SLC6A11: variants seen among roughly 807,000 people sequenced by gnomAD.
SLC6A11 encodes the protein solute carrier family 6 member 11.
A neutral mutation model predicts 74.8 loss-of-function variants in SLC6A11; 25 were observed. The ratio of observed to expected loss-of-function variants is 0.33; its 90% CI spans 0.24 to 0.47. The LOEUF is 0.47. SLC6A11 is among the 20% of genes least tolerant of loss of function. SLC6A11 has a pLI of 1.00. For synonymous variants in SLC6A11, 330 were observed against 330.2 expected, an observed-to-expected ratio of 1.00 and a Z score of 0.01; for missense variants, 574 against 837.0, an observed-to-expected ratio of 0.69 and a Z score of 3.88.
At position 10,888,833 on chromosome 3, in the gene SLC6A11, C is replaced by CATA. The variant is rs1279525880; in HGVS notation, c.891+13738_891+13739insATA. Among the ~76,000 whole-genome samples, 5 of 152,304 alleles carry CATA rather than the reference C, an allele frequency of 3.3e-5. No homozygotes were observed. In the East Asian group the frequency reaches 9.7e-4, roughly 29 times the overall value. Reference sequence around the variant, plus strand: ...TGCCCACCTTATGTTTATTCATCCACCAAATATTTGTTGAGTACCTACTGT... The same window carrying CATA: ...TGCCCACCTTATGTTTATTCATCCACATACAAATATTTGTTGAGTACCTACTGT... On this transcript the variant is annotated intron_variant, in intron 6 of 13. Coordinates refer to ENST00000254488, the MANE Select transcript of SLC6A11 (RefSeq NM_014229.3).
intron 13 of SLC6A11, among the ~76,000 whole-genome samples, chr3:10,937,967 G>A (rs1258957359): frequency 6.6e-6 from 1 of 152,186 alleles, no homozygotes; most frequent in Non-Finnish European, 1.5e-5. Flanking sequence ...ACCTTTCCTA[G>A]CCAGGTGCGA....
intron 4 of SLC6A11, among the ~76,000 whole-genome samples, chr3:10,825,841 G>A (rs1384042834): frequency 6.6e-6 from 1 of 152,046 alleles, no homozygotes; most frequent in African/African-American, 2.4e-5. Context: ...TTTCCTTTAA[G>A]CACAAGTCTG....
At chr3:10,817,237 A>C (rs2106568064) in intron 1 of SLC6A11, among the ~76,000 whole-genome samples, 1 of 152,302 alleles carries the variant, frequency 6.6e-6, no homozygotes, top group Admixed American at 6.5e-5. Flanking sequence ...GACAACGAAC[A>C]GTTTATTTTA....
chr3:10,927,922 C>A (rs9840941), intron 9 of SLC6A11, among the ~76,000 whole-genome samples: 28,006 of 152,152 alleles, frequency 0.18, 2,836 homozygotes, highest in African/African-American at 0.26. Context: ...AACTCCTCCT[C>A]CCTCCCTCAA....
At chr3:10,883,851 C>A (rs1032162152) in intron 6 of SLC6A11, among the ~76,000 whole-genome samples, 4 of 152,034 alleles carry the variant, frequency 2.6e-5, no homozygotes, top group African/African-American at 9.7e-5. Flanking sequence ...GTGGCCCTCA[C>A]TGAGGTGGGG....
At chr3:10,910,971 G>C (rs530434270) in intron 6 of SLC6A11, among the ~76,000 whole-genome samples, 3 of 151,898 alleles carry the variant, frequency 2.0e-5, no homozygotes, top group East Asian at 3.9e-4. Flanking sequence ...ACAGGCCCCC[G>C]CCACCACACC....
chr3:10,902,519 T>C (rs1033568430), intron 6 of SLC6A11, among the ~76,000 whole-genome samples: 1 of 152,230 alleles, frequency 6.6e-6, no homozygotes, highest in African/African-American at 2.4e-5. Context: ...ATTAAAGGGA[T>C]GGTACCAGGT....
intron 5 of SLC6A11, among the ~76,000 whole-genome samples, chr3:10,872,403 A>T (rs1694838342): frequency 6.6e-6 from 1 of 152,132 alleles, no homozygotes; most frequent in Non-Finnish European, 1.5e-5. Flanking sequence ...TCTTCCTTCC[A>T]TCCCCATTTT....
In SLC6A11 at chr3:10,926,657, C is replaced by T. The variant is rs1695611839; in HGVS notation, c.1233+541C>T. ...TCGGCCCTCCCTAGAGGCCCCTTGC[C>T]AACCTCCCCCTGCTTGGCAGCCTCC... is the stretch of plus-strand genomic sequence containing the variant. On this transcript the variant is annotated intron_variant, in intron 9 of 13. Transcript: ENST00000254488. The surrounding 1 kb of genome is among the most constrained non-coding windows in gnomAD (Gnocchi z 5.7). Among the ~76,000 whole-genome samples, 1 of 152,186 alleles carries T rather than the reference C, an allele frequency of 6.6e-6. No homozygotes were observed.
chr3:10,845,001 G>A (rs1267490938), intron 5 of SLC6A11, among the ~76,000 whole-genome samples: 10 of 152,182 alleles, frequency 6.6e-5, no homozygotes, highest in African/African-American at 2.4e-5. Flanking sequence ...GAAGTAGAGG[G>A]GACCATGGGG....
chr3:10,824,799 T>C (rs1393444265), intron 4 of SLC6A11: 3 of 152,198 alleles, frequency 2.0e-5, no homozygotes, highest in Admixed American at 1.3e-4. Context: ...ACTGAGTGAA[T>C]GTCTAGTCTG....
At chr3:10,843,783 A>C (rs1034094548) in intron 4 of SLC6A11, among the ~76,000 whole-genome samples, 2 of 152,178 alleles carry the variant, frequency 1.3e-5, no homozygotes, top group African/African-American at 4.8e-5. Flanking sequence ...GGAAGCTTCT[A>C]TCTGAAATGA....
intron 6 of SLC6A11, among the ~76,000 whole-genome samples, chr3:10,893,478 G>C (rs1695131077): frequency 6.6e-6 from 1 of 152,110 alleles, no homozygotes; most frequent in African/African-American, 2.4e-5. Context: ...GGAGACAACT[G>C]ATCCCAGAAA....
intron 4 of SLC6A11, among the ~76,000 whole-genome samples, chr3:10,841,977 T>A (rs1189822160): frequency 6.6e-6 from 1 of 152,222 alleles, no homozygotes; most frequent in Admixed American, 6.5e-5. Context: ...CCAGATTCCT[T>A]CCAGCTCTGG....
intron 4 of SLC6A11, among the ~76,000 whole-genome samples, chr3:10,833,809 T>C (rs1434956242): frequency 6.6e-6 from 1 of 152,234 alleles, no homozygotes; most frequent in Non-Finnish European, 1.5e-5. Context: ...TATTATGAGT[T>C]CTTGATCATT....
intron 10 of SLC6A11, 81 bp from the exon 11 acceptor site, chr3:10,933,070 C>G: frequency 1.1e-6 from 1 of 951,062 alleles, no homozygotes; most frequent in South Asian, 1.4e-5. Context: ...AGAGAGGGAC[C>G]TTCCTGAGGC....
At chr3:10,909,401 A>G (rs959349143) in intron 6 of SLC6A11, among the ~76,000 whole-genome samples, 2 of 152,142 alleles carry the variant, frequency 1.3e-5, no homozygotes, top group Admixed American at 1.3e-4. Context: ...AGTGAAAATC[A>G]TTGGTTTGGG....
intron 6 of SLC6A11, among the ~76,000 whole-genome samples, chr3:10,905,663 A>G (rs2629130): frequency 0.64 from 97,016 of 152,142 alleles, 32,451 homozygotes; most frequent in African/African-American, 0.82. Context: ...ATTTGGAGCC[A>G]TGTTGCATTT....
At position 10,934,083 on chromosome 3, in the gene SLC6A11, G is replaced by T; in HGVS notation, c.1492G>T (p.Asp498Tyr). The T allele has an allele frequency of 6.2e-7, 1 of 1,613,444 alleles. No homozygotes were observed. Among genetic ancestry groups the T allele is most frequent in the Non-Finnish European group, 8.5e-7 (1 of 1,179,422 alleles). ...CCGGACAGGAAGCAACCGGTTCTAT[G>T]ATAACATTGAAGACATGATTGGCTA... Reference protein sequence around the residue: ...GWVYGSNRFYDNIEDMIGYRP... With the variant: ...GWVYGSNRFYYNIEDMIGYRP... The change falls in exon 12 of 14, where the codon GAT (aspartate) becomes TAT (tyrosine). Residue 498 changes from aspartate (D) to tyrosine (Y), a missense_variant. Around this residue, in one of 4 missense-constraint regions of SLC6A11, gnomAD observed 257 missense variants for 341.5 expected, o/e 0.75. Coordinates refer to ENST00000254488, the MANE Select transcript of SLC6A11 (RefSeq NM_014229.3).
Sources: allele counts gnomAD v4.1 joint callset (sites outside exome capture counted in the v4.1 genomes callset), GRCh38; gene constraint gnomAD v4.1.1; regional missense constraint gnomAD v4.1.1; non-coding constraint Gnocchi (gnomAD v3.1); transcripts MANE v1.5; gene names NCBI Gene and HGNC (gene_info 2026-07-23, HGNC 2026-07-21).